Variants in SESTD1 observed in about 807,000 individuals in gnomAD.
SESTD1 encodes the protein SEC14 and spectrin domain containing 1, also known as SEC14 domain and spectrin repeat-containing protein 1.
In SESTD1, 43 loss-of-function variants were observed where a neutral mutation model predicts 101.7. That is an observed-to-expected ratio of 0.42 (90% CI 0.33 to 0.55). The LOEUF is 0.55. SESTD1 is among the 20% of genes least tolerant of loss of function. SESTD1 has a pLI of 0.07. For synonymous variants in SESTD1, 283 were observed against 286.8 expected (o/e 0.99, Z 0.13); for missense variants, 647 against 815.1 (o/e 0.79, Z 2.51).
intron 1 of SESTD1, among the ~76,000 whole-genome samples, chr2:179,237,796 G>C (rs1239781804): frequency 6.6e-6 from 1 of 152,090 alleles, no homozygotes; most frequent in Non-Finnish European, 1.5e-5. Context: ...GCTCATCAGA[G>C]ACTCCATGGG....
chr2:179,133,801 TACC>T (rs1294080203), intron 9 of SESTD1, among the ~76,000 whole-genome samples: 2 of 152,122 alleles, frequency 1.3e-5, no homozygotes, highest in Non-Finnish European at 2.9e-5. Flanking sequence ...TATATAAAAA[TACC>T]ACATCATAAA....
chr2:179,224,614 TTTCA>T (rs1213460805), intron 1 of SESTD1, among the ~76,000 whole-genome samples: 1 of 152,108 alleles, frequency 6.6e-6, no homozygotes, highest in Non-Finnish European at 1.5e-5. Context: ...GAGTTGGAAC[TTTCA>T]GTCCAACCTC....
intron 5 of SESTD1, among the ~76,000 whole-genome samples, chr2:179,164,133 T>G (rs2105465988): frequency 6.6e-6 from 1 of 152,328 alleles, no homozygotes; most frequent in Non-Finnish European, 1.5e-5. Context: ...TATTTTGATG[T>G]GTATGTCTGC....
intron 1 of SESTD1, among the ~76,000 whole-genome samples, chr2:179,223,174 A>G (rs1448058143): frequency 6.6e-6 from 1 of 152,204 alleles, no homozygotes; most frequent in Non-Finnish European, 1.5e-5. Flanking sequence ...ACTAAGTGAA[A>G]AAAGCCAGAC....
intron 3 of SESTD1, among the ~76,000 whole-genome samples, chr2:179,179,648 A>G (rs2046073403): frequency 6.6e-6 from 1 of 152,218 alleles, no homozygotes; most frequent in South Asian, 2.1e-4. Context: ...TATCTTACAA[A>G]TGTCCTGGCA....
chr2:179,113,965 G>C (rs918870928), intron 16 of SESTD1, among the ~76,000 whole-genome samples: 2 of 148,042 alleles, frequency 1.4e-5, no homozygotes, highest in Non-Finnish European at 3.0e-5. Context: ...ATTACACAGG[G>C]TGGGGGGAGC....
At chr2:179,183,833 G>GGAGA (rs368416135) in intron 2 of SESTD1, among the ~76,000 whole-genome samples, 97 of 141,544 alleles carry the variant, frequency 6.9e-4, no homozygotes, top group African/African-American at 1.3e-3. Context: ...AGAAAAGAAA[G>GGAGA]GAGAGAGAGA....
chr2:179,223,477 A>G (rs1398492386), intron 1 of SESTD1, among the ~76,000 whole-genome samples: 1 of 152,152 alleles, frequency 6.6e-6, no homozygotes, highest in African/African-American at 2.4e-5. Flanking sequence ...AAAATAAACA[A>G]CTGAATTGGT....
intron 1 of SESTD1, among the ~76,000 whole-genome samples, chr2:179,232,521 C>T (rs78035055): frequency 0.012 from 1,888 of 151,952 alleles, 31 homozygotes; most frequent in African/African-American, 0.037. Flanking sequence ...ACAAGGGAGA[C>T]GACACATTTC....
chr2:179,125,979 C>A (rs1559101662), intron 10 of SESTD1, among the ~76,000 whole-genome samples: 1 of 152,194 alleles, frequency 6.6e-6, no homozygotes, highest in Non-Finnish European at 1.5e-5. Context: ...CTGTTGCCTA[C>A]ACAAAGCTTT....
At chr2:179,171,812 T>C (rs530885768) in intron 5 of SESTD1, among the ~76,000 whole-genome samples, 7 of 152,290 alleles carry the variant, frequency 4.6e-5, no homozygotes, top group East Asian at 3.8e-4. Context: ...TTTCCTAGTA[T>C]TTGTTAAATT....
rs1425993029 is a variant in SESTD1 at position 179,143,575 on chromosome 2, T to G, written c.849+17A>C. The G allele has an allele frequency of 2.5e-6, 4 of 1,610,268 alleles. No homozygotes were observed. The East Asian group carries it at 8.9e-5, about 36-fold the overall frequency. ...AGGAATTAAAAAGAGTTAAATATATTCAAATCAGACACCTACCTGCATTAC... is the reference window on the plus strand; with the variant it reads ...AGGAATTAAAAAGAGTTAAATATATGCAAATCAGACACCTACCTGCATTAC... On this transcript the variant is annotated intron_variant, in intron 9 of 17. Coordinates refer to ENST00000428443, the MANE Select transcript of SESTD1 (RefSeq NM_178123.5).
At position 179,114,938 on chromosome 2, in the gene SESTD1, G is replaced by A. The variant is rs150923733; in HGVS notation, c.1839+127C>T. The A allele has an allele frequency of 1.5e-4, 125 of 811,510 alleles. No homozygotes were observed. The African/African-American group carries it at 1.6e-3, about 10-fold the overall frequency. 50.3% of individuals were successfully genotyped at this position (811,510 alleles called of 1,614,324 possible). A position where few individuals can be genotyped will look rare whatever the true frequency, so the allele number is the denominator to read the frequency against. On this transcript the variant is annotated intron_variant, in intron 16 of 17. Coordinates refer to ENST00000428443, the MANE Select transcript of SESTD1 (RefSeq NM_178123.5). ...GCAATGTATTATATCTAAACAAACC[G>A]TAACAACGGAACTAATATAAATATT... is the stretch of plus-strand genomic sequence containing the variant.
At chr2:179,221,806 G>A (rs188972993) in intron 1 of SESTD1, among the ~76,000 whole-genome samples, 2 of 151,856 alleles carry the variant, frequency 1.3e-5, no homozygotes, top group Non-Finnish European at 2.9e-5. Context: ...TGTGGTCCCA[G>A]CTACTCAGGA....
At chr2:179,211,095 A>T (rs1470648034) in intron 1 of SESTD1, among the ~76,000 whole-genome samples, 1 of 133,284 alleles carries the variant, frequency 7.5e-6, no homozygotes, top group Non-Finnish European at 1.6e-5. Context: ...AAAAAGGAAT[A>T]TACCTAACCA....
At chr2:179,184,826 C>G (rs1363087008) in intron 2 of SESTD1, among the ~76,000 whole-genome samples, 1 of 150,954 alleles carries the variant, frequency 6.6e-6, no homozygotes, top group East Asian at 2.0e-4. Context: ...GTAGAATTGT[C>G]TTTAGAAGAT....
chr2:179,138,870 C>CAAAA (rs61703699), intron 9 of SESTD1, among the ~76,000 whole-genome samples: 10 of 65,534 alleles, frequency 1.5e-4, no homozygotes, highest in African/African-American at 3.5e-4. Flanking sequence ...AACCCTGTCT[C>CAAAA]AAAAAAAAAA....
intron 17 of SESTD1, among the ~76,000 whole-genome samples, chr2:179,111,429 A>C (rs1016044744): frequency 6.6e-6 from 1 of 152,164 alleles, no homozygotes; most frequent in Non-Finnish European, 1.5e-5. Context: ...CCACACCCCC[A>C]TAACCTGAGG....
At chr2:179,259,506 G>C (rs2047450455) in intron 1 of SESTD1, among the ~76,000 whole-genome samples, 1 of 152,136 alleles carries the variant, frequency 6.6e-6, no homozygotes, top group Non-Finnish European at 1.5e-5. Context: ...GGGATTACAG[G>C]TGTGAGCCAC....
Sources: gnomAD v4.1 joint callset for allele counts (sites outside exome capture counted in the v4.1 genomes callset) on GRCh38, gnomAD v4.1.1 for gene constraint, MANE v1.5 for transcripts, NCBI Gene and HGNC (gene_info 2026-07-23, HGNC 2026-07-21) for gene names.